HS3ST5: variants seen among roughly 807,000 people sequenced by gnomAD.
The protein encoded by HS3ST5 is heparan sulfate glucosamine 3-O-sulfotransferase 5.
In HS3ST5, 10 loss-of-function variants were observed where a neutral mutation model predicts 25.4. The observed-to-expected ratio is 0.39, with a 90% CI of 0.24 to 0.67. The LOEUF (loss-of-function observed/expected upper bound fraction) is 0.67. Ranked by LOEUF, HS3ST5 falls within the 30% of genes least tolerant of loss-of-function variation. The probability of loss-of-function intolerance (pLI) is 0.44; values close to 1 mark genes in which losing one functional copy is unlikely to be tolerated. For synonymous variants in HS3ST5, 170 were observed against 162.4 expected, an observed-to-expected ratio of 1.05 and a Z score of -0.36; for missense variants, 324 against 420.7, an observed-to-expected ratio of 0.77 and a Z score of 2.01.
At chr6:114,059,401 G>A in intron 4 of HS3ST5, 1 of 152,166 alleles carries the variant, frequency 6.6e-6, no homozygotes, top group Non-Finnish European at 1.5e-5. Flanking sequence ...GCTGTTGCTT[G>A]CTTTTCCCAA....
chr6:114,089,530 A>G (rs955739268), intron 3 of HS3ST5, among the ~76,000 whole-genome samples: 1 of 152,222 alleles, frequency 6.6e-6, no homozygotes, highest in African/African-American at 2.4e-5. Flanking sequence ...ATTCTATATC[A>G]TCAAATTTTC....
chr6:114,070,263 T>C (rs1433857877), intron 3 of HS3ST5, among the ~76,000 whole-genome samples: 1 of 149,266 alleles, frequency 6.7e-6, no homozygotes, highest in Non-Finnish European at 1.5e-5. Flanking sequence ...AACCTTGAGT[T>C]AGAGGATGGG....
In HS3ST5 at chr6:114,248,195, C is replaced by T. The variant is rs186744312; in HGVS notation, c.-338-19417G>A. 4.6e-3 allele frequency among the ~76,000 whole-genome samples: 616 copies of T among 134,272 alleles called. 3 individuals are homozygous for T. Among genetic ancestry groups the T allele is most frequent in the African/African-American group, 0.017 (582 of 34,260 alleles). 88.1% of individuals were successfully genotyped at this position (134,272 alleles called of 152,430 possible). A position where few individuals can be genotyped will look rare whatever the true frequency, so the allele number is the denominator to read the frequency against. On this transcript the variant is annotated intron_variant, in intron 1 of 4. Transcript: ENST00000312719. ...CAGCCTGGGTGACAGAGCGAGATTC[C>T]ATCTCAAAAAATGAAAAAAAAAATA...
chr6:114,208,514 G>A (rs1357683907), intron 2 of HS3ST5, among the ~76,000 whole-genome samples: 1 of 152,062 alleles, frequency 6.6e-6, no homozygotes, highest in African/African-American at 2.4e-5. Context: ...CTTCCTAGCT[G>A]GGGGAGAATA....
At chr6:114,285,514 GC>G (rs1774300052) in intron 1 of HS3ST5, among the ~76,000 whole-genome samples, 1 of 152,014 alleles carries the variant, frequency 6.6e-6, no homozygotes, top group African/African-American at 2.4e-5. Flanking sequence ...GAAAATTTCT[GC>G]CATATGTGTC....
chr6:114,082,707 T>C lies in HS3ST5; in HGVS notation c.-32-19830A>G, dbSNP rs549723900. ...TAATCAATATGTCAGTATGTTCAAT[T>C]CTTTGCCTTCTACTTTTAAACTTAA... On this transcript the variant is annotated intron_variant, in intron 3 of 4. Coordinates refer to ENST00000312719, the MANE Select transcript of HS3ST5 (RefSeq NM_153612.4). 2.6e-5 allele frequency among the ~76,000 whole-genome samples: 4 copies of C among 152,330 alleles called. No homozygotes were observed. The South Asian group carries it at 8.3e-4, about 32-fold the overall frequency.
chr6:114,260,084 G>A (rs1440181210), intron 1 of HS3ST5, among the ~76,000 whole-genome samples: 3 of 152,142 alleles, frequency 2.0e-5, no homozygotes, highest in Admixed American at 2.0e-4. Flanking sequence ...GATAGTTCAT[G>A]TAACAAAATT....
chr6:114,085,702 C>A (rs1774759940), intron 3 of HS3ST5, among the ~76,000 whole-genome samples: 1 of 152,100 alleles, frequency 6.6e-6, no homozygotes, highest in Non-Finnish European at 1.5e-5. Context: ...ATTGGGTGTT[C>A]TGATTTTATT....
At chr6:114,271,932 C>A in intron 1 of HS3ST5, among the ~76,000 whole-genome samples, 1 of 152,042 alleles carries the variant, frequency 6.6e-6, no homozygotes, top group East Asian at 1.9e-4. Context: ...TCTTTCCTGG[C>A]ATGCTATAAA....
intron 1 of HS3ST5, among the ~76,000 whole-genome samples, chr6:114,321,829 C>A (rs1410561213): frequency 6.6e-6 from 1 of 151,924 alleles, no homozygotes; most frequent in Admixed American, 6.6e-5. Context: ...GTCTATATCC[C>A]GTGATAAAGG....
chr6:114,243,695 T>C (rs1256273641), intron 1 of HS3ST5, among the ~76,000 whole-genome samples: 2 of 152,118 alleles, frequency 1.3e-5, no homozygotes, highest in Non-Finnish European at 2.9e-5. Context: ...AGTATCCATG[T>C]CCACTGCTAT....
intron 2 of HS3ST5, among the ~76,000 whole-genome samples, chr6:114,197,020 A>T (rs1484718622): frequency 1.3e-5 from 2 of 152,198 alleles, no homozygotes; most frequent in African/African-American, 4.8e-5. Flanking sequence ...GGATGGAGAC[A>T]GCCCAAGGCC....
intron 3 of HS3ST5, among the ~76,000 whole-genome samples, chr6:114,081,322 G>A (rs1016248931): frequency 4.0e-5 from 6 of 151,888 alleles, no homozygotes; most frequent in African/African-American, 1.5e-4. Flanking sequence ...GCTGCTGGCA[G>A]ACTTGCTCAA....
At chr6:114,238,802 C>A (rs1009476739) in intron 1 of HS3ST5, among the ~76,000 whole-genome samples, 1 of 152,086 alleles carries the variant, frequency 6.6e-6, no homozygotes, top group African/African-American at 2.4e-5. Flanking sequence ...TCCCCACAGC[C>A]CCCGCCACCA....
intron 1 of HS3ST5, among the ~76,000 whole-genome samples, chr6:114,264,383 C>T (rs1351234180): frequency 6.6e-6 from 1 of 152,204 alleles, no homozygotes; most frequent in Non-Finnish European, 1.5e-5. Context: ...TACATATTTA[C>T]AAACTGTACT....
intron 1 of HS3ST5, among the ~76,000 whole-genome samples, chr6:114,283,109 A>G (rs1471300832): frequency 6.6e-6 from 1 of 151,970 alleles, no homozygotes; most frequent in East Asian, 1.9e-4. Context: ...AAAATAAAAG[A>G]ATACCATTTT....
At chr6:114,224,230 C>T (rs113157480) in intron 2 of HS3ST5, among the ~76,000 whole-genome samples, 1,532 of 151,486 alleles carry the variant, frequency 0.01, 31 homozygotes, top group African/African-American at 0.036. Context: ...TTTTATGCTA[C>T]GATACAATTT....
intron 3 of HS3ST5, among the ~76,000 whole-genome samples, chr6:114,149,129 G>GGTGGGA (rs1365188061): frequency 6.6e-6 from 1 of 152,196 alleles, no homozygotes; most frequent in Non-Finnish European, 1.5e-5. Context: ...TTACACTGTT[G>GGTGGGA]GTGGGAGTGT....
chr6:114,186,537 T>C (rs1305568721), intron 2 of HS3ST5, among the ~76,000 whole-genome samples: 1 of 152,062 alleles, frequency 6.6e-6, no homozygotes, highest in Non-Finnish European at 1.5e-5. Context: ...GGAGAGGAGT[T>C]TAAAGCTAGC....
Sources: allele counts gnomAD v4.1 joint callset (sites outside exome capture counted in the v4.1 genomes callset), GRCh38; gene constraint gnomAD v4.1.1; transcripts MANE v1.5; gene names NCBI Gene and HGNC (gene_info 2026-07-23, HGNC 2026-07-21).